Variants in DFFA observed in about 807,000 individuals in gnomAD.
The protein encoded by DFFA is DFF45.
In DFFA, 14 loss-of-function variants were observed where a neutral mutation model predicts 28.0. The observed-to-expected ratio is 0.50, with a 90% confidence interval of 0.33 to 0.78. The LOEUF is 0.78. DFFA is among the 30% of genes least tolerant of loss of function. The probability of loss-of-function intolerance (pLI) is 0.02; values close to 1 mark genes in which losing one functional copy is unlikely to be tolerated. For missense variants in DFFA, 395 were observed against 407.1 expected (o/e 0.97, Z 0.26); for synonymous variants, 158 against 170.3 (o/e 0.93, Z 0.56).
At position 10,461,342 on chromosome 1, in the gene DFFA, C is replaced by T. The variant is rs3829642; in HGVS notation, c.*148G>A. 3.2e-3 allele frequency: 4,409 copies of T among 1,360,950 alleles called. 47 individuals carry two copies. The East Asian group carries it at 0.043, about 13-fold the overall frequency. The allele number at this position is 1,360,950 out of a possible 1,614,324, so 84.3% of individuals were successfully genotyped here. On this transcript the variant is annotated 3_prime_UTR_variant, in exon 6 of 6. Transcript: ENST00000377038. ...GGGGCTAAAAAAAAAATTGGTGGAA[C>T]GGCGTATGTTGAGACCTGGAATAGC... is the stretch of plus-strand genomic sequence containing the variant.
intron 3 of DFFA, among the ~76,000 whole-genome samples, chr1:10,465,429 C>T (rs900320209): frequency 1.3e-5 from 2 of 152,104 alleles, no homozygotes; most frequent in African/African-American, 4.8e-5. Flanking sequence ...CCACGCCTGG[C>T]TAATTTTTAT....
In DFFA at chr1:10,461,403, AGTACATAG is replaced by A; in HGVS notation, c.*79_*86del. On this transcript the variant is annotated 3_prime_UTR_variant, in exon 6 of 6. Coordinates refer to ENST00000377038, the MANE Select transcript of DFFA (RefSeq NM_004401.3). ...GGTGCTCTAAGGCAGGGGGTAGAGT[AGTACATAG>A]GTAGTCAAATGATGAGGCTGAGGGT... 1 of 1,505,388 alleles carries A rather than the reference AGTACATAG, an allele frequency of 6.6e-7. No homozygotes were observed. The highest frequency in any genetic ancestry group is 8.9e-7 in the Non-Finnish European group (1 of 1,121,218). 93.3% of individuals were successfully genotyped at this position (1,505,388 alleles called of 1,614,324 possible).
intron 2 of DFFA, 63 bp downstream of exon 2, chr1:10,469,114 G>T: frequency 6.6e-7 from 1 of 1,511,220 alleles, no homozygotes; most frequent in Non-Finnish European, 9.1e-7. Flanking sequence ...TCTGTGCAGT[G>T]AAAGTAATCA....
chr1:10,471,482 T>C (rs1570112763), intron 1 of DFFA, among the ~76,000 whole-genome samples: 2 of 152,198 alleles, frequency 1.3e-5, no homozygotes, highest in South Asian at 4.1e-4. Context: ...AAAATCCATG[T>C]TACCAAAGCA....
At chr1:10,468,777 C>T (rs1325870005) in intron 2 of DFFA, among the ~76,000 whole-genome samples, 9 of 150,074 alleles carry the variant, frequency 6.0e-5, no homozygotes, top group African/African-American at 2.0e-4. Context: ...CTCGTTCTGT[C>T]GCCCAGGCTG....
chr1:10,467,435 A>G lies in DFFA; in HGVS notation c.299-103T>C, dbSNP rs1641038744. ...CTCTTGAGGATCTAGATTAATTTCA[A>G]TGGGAAAGAAGCATCTTATCTCAAG... On this transcript the variant is annotated intron_variant, in intron 2 of 5. Transcript: ENST00000377038. 4.7e-6 allele frequency: 6 copies of G among 1,264,698 alleles called. No individual in the cohort carries two copies. In the South Asian group the frequency reaches 6.3e-5, roughly 13 times the overall value. The allele number at this position is 1,264,698 out of a possible 1,614,324, so 78.3% of individuals were successfully genotyped here.
intron 5 of DFFA, chr1:10,462,592 A>G: frequency 5.0e-6 from 5 of 1,002,958 alleles, no homozygotes; most frequent in Non-Finnish European, 6.0e-6. Context: ...GACAGGGACA[A>G]GGACAATGAA....
intron 1 of DFFA, among the ~76,000 whole-genome samples, chr1:10,471,441 C>T (rs937355971): frequency 1.3e-5 from 2 of 152,016 alleles, no homozygotes; most frequent in African/African-American, 2.4e-5. Flanking sequence ...AATCTAATGT[C>T]AGGAAAAAAA....
chr1:10,462,698 C>T (rs1640964722), intron 5 of DFFA: 1 of 1,053,498 alleles, frequency 9.5e-7, no homozygotes, highest in East Asian at 6.9e-5. Context: ...TTTGCCTTTT[C>T]CTGTGACATT....
rs1192276579 is a variant in DFFA at position 10,470,847 on chromosome 1, A to T, written c.136+1476T>A. ...GGGAGGCCGAGGCGGGTGGATCACA[A>T]AGCAGGCAATCGAGACCATCCTGGC... On this transcript the variant is annotated intron_variant, in intron 1 of 5. Transcript: ENST00000377038. 1.3e-5 allele frequency among the ~76,000 whole-genome samples: 2 copies of T among 150,362 alleles called. 1 individual carries two copies. Among genetic ancestry groups the T allele is most frequent in the African/African-American group, 4.9e-5 (2 of 41,100 alleles).
Position 10,470,220 on chromosome 1 carries a change from G to A in DFFA, c.137-882C>T, listed in dbSNP as rs547771110. ...TGAACCCAAGGCTCAGAGAGGTTAA[G>A]TAACTTGTCTAAGATCACACAGTAA... On this transcript the variant is annotated intron_variant, in intron 1 of 5. Coordinates refer to ENST00000377038, the MANE Select transcript of DFFA (RefSeq NM_004401.3). Among the ~76,000 whole-genome samples, 11 of 152,170 alleles carry A rather than the reference G, an allele frequency of 7.2e-5. No individual in the cohort carries two copies. The South Asian group carries it at 2.3e-3, about 32-fold the overall frequency.
chr1:10,456,698 G>T lies in DFFA; in HGVS notation c.*4792C>A, dbSNP rs995158303. ...GCTTTTACCCAGAAATTAAAGGTTG[G>T]TAAGTGGTAATTAGCGTAGCTCCTG... On this transcript the variant is annotated 3_prime_UTR_variant, in exon 6 of 6. Transcript: ENST00000377038. 1 of 152,144 alleles carries T rather than the reference G, an allele frequency of 6.6e-6. No homozygotes were observed. The highest frequency in any genetic ancestry group is 1.5e-5 in the Non-Finnish European group (1 of 68,040). The allele number at this position is 152,144 out of a possible 1,614,324, so 9.4% of individuals were successfully genotyped here. A position where few individuals can be genotyped will look rare whatever the true frequency, so the allele number is the denominator to read the frequency against.
At chr1:10,468,555 A>G (rs2124347168) in intron 2 of DFFA, among the ~76,000 whole-genome samples, 3 of 152,030 alleles carry the variant, frequency 2.0e-5, no homozygotes, top group Non-Finnish European at 4.4e-5. Flanking sequence ...TATAATTATT[A>G]TGTCAACAAG....
intron 3 of DFFA, among the ~76,000 whole-genome samples, chr1:10,463,960 C>T (rs1026490259): frequency 3.3e-4 from 50 of 151,436 alleles, no homozygotes; most frequent in African/African-American, 1.1e-3. Context: ...CTACTGCGCC[C>T]GGCCTACAAG....
rs1171337198 is a variant in DFFA, at chr1:10,458,146, C to G, written c.*3344G>C. The stretch of plus-strand genomic sequence containing the variant: ...GCTGACGGTGTTTGAGCTGACAATC[C>G]CCGTGCCCCATGTGCCAATCAGCCT... On this transcript the variant is annotated 3_prime_UTR_variant, in exon 6 of 6. Coordinates refer to ENST00000377038, the MANE Select transcript of DFFA (RefSeq NM_004401.3). 1 of 152,168 alleles carries G rather than the reference C, an allele frequency of 6.6e-6. No homozygotes were observed. The highest frequency in any genetic ancestry group is 1.5e-5 in the Non-Finnish European group (1 of 68,038). The allele number at this position is 152,168 out of a possible 1,614,324, so 9.4% of individuals were successfully genotyped here.
chr1:10,472,245 T>G lies in DFFA; in HGVS notation c.136+78A>C. 1 of 1,476,936 alleles carries G rather than the reference T, an allele frequency of 6.8e-7. No homozygotes were observed. Among genetic ancestry groups the G allele is most frequent in the Middle Eastern group, 2.3e-4 (1 of 4,378 alleles). 91.5% of individuals were successfully genotyped at this position (1,476,936 alleles called of 1,614,324 possible). A position where few individuals can be genotyped will look rare whatever the true frequency, so the allele number is the denominator to read the frequency against. On this transcript the variant is annotated intron_variant, in intron 1 of 5. Coordinates refer to ENST00000377038, the MANE Select transcript of DFFA (RefSeq NM_004401.3). The surrounding 1 kb of genome is among the most constrained non-coding windows in gnomAD (Gnocchi z 5.0). The stretch of plus-strand genomic sequence containing the variant: ...ACAAGAATCCCCAAGTCGCCTCTCC[T>G]GACCCCGCCTCGCCCCCGCCGGACG...
chr1:10,469,322 G>T lies in DFFA; in HGVS notation c.153C>A (p.Ala51=). The T allele has an allele frequency of 6.2e-6, 10 of 1,613,586 alleles. No individual in the cohort carries two copies. Among genetic ancestry groups the T allele is most frequent in the Non-Finnish European group, 8.5e-6 (10 of 1,179,860 alleles). Residue 51 remains alanine, a synonymous_variant, in exon 2 of 6, where the codon GCC becomes GCA. Coordinates refer to ENST00000377038, the MANE Select transcript of DFFA (RefSeq NM_004401.3). ...DLRSKACDIL[A]IDKSLTPVTL... is the part of the protein sequence containing the mutation. ...TGACTGGTGTCAGGGACTTATCAAT[G>T]GCCAGAATGTCACAGGCTGAAAAGA...
rs949505405 is a variant in DFFA, at chr1:10,461,857, G to A, written c.784-155C>T. The A allele has an allele frequency of 2.2e-5, 22 of 985,228 alleles. No homozygotes were observed. The African/African-American group carries it at 3.0e-4, about 13-fold the overall frequency. 61.0% of individuals were successfully genotyped at this position (985,228 alleles called of 1,614,324 possible). A position where few individuals can be genotyped will look rare whatever the true frequency, so the allele number is the denominator to read the frequency against. On this transcript the variant is annotated intron_variant, in intron 5 of 5. Coordinates refer to ENST00000377038, the MANE Select transcript of DFFA (RefSeq NM_004401.3). The stretch of plus-strand genomic sequence containing the variant: ...GGTTTCCTTTACCATTAATTGCCAC[G>A]GGCTTTTTGTTTTTTGAGACGGAGT...
rs1252475016 is a variant in DFFA at position 10,472,299 on chromosome 1, C to G, written c.136+24G>C. On this transcript the variant is annotated intron_variant, in intron 1 of 5. Coordinates refer to ENST00000377038, the MANE Select transcript of DFFA (RefSeq NM_004401.3). The surrounding 1 kb of genome is among the most constrained non-coding windows in gnomAD (Gnocchi z 5.0). ...TCACCCGGCCCTGGCTCCCCCACAC[C>G]CTCGCCCGGGGTCCCGAGCCAACCC... 6.4e-6 allele frequency: 10 copies of G among 1,562,712 alleles called. No homozygotes were observed. Among genetic ancestry groups the G allele is most frequent in the Non-Finnish European group, 7.8e-6 (9 of 1,148,830 alleles).
Sources: allele counts gnomAD v4.1 joint callset (sites outside exome capture counted in the v4.1 genomes callset), GRCh38; gene constraint gnomAD v4.1.1; non-coding constraint Gnocchi (gnomAD v3.1); transcripts MANE v1.5; gene names NCBI Gene and HGNC (gene_info 2026-07-23, HGNC 2026-07-21).